XRCC4: variants seen among roughly 807,000 people sequenced by gnomAD.
XRCC4 encodes DNA repair protein XRCC4.
A neutral mutation model predicts 39.1 loss-of-function variants in XRCC4; 28 were observed. The observed-to-expected ratio is 0.72, with a 90% CI of 0.53 to 0.98. The LOEUF (loss-of-function observed/expected upper bound fraction) is 0.98, where lower values mean the gene tolerates loss of function less well. Among genes scored for constraint, XRCC4 ranks in the 50% least tolerant of loss-of-function variants. The pLI is 0.00. For synonymous variants in XRCC4, 123 were observed against 126.4 expected (o/e 0.97, Z 0.18); for missense variants, 350 against 376.4 (o/e 0.93, Z 0.58).
chr5:83,160,273 A>G (rs1269103730), intron 3 of XRCC4, among the ~76,000 whole-genome samples: 2 of 152,226 alleles, frequency 1.3e-5, no homozygotes, highest in Non-Finnish European at 2.9e-5. Context: ...GGGAATAAAG[A>G]GGAAAAAACT....
intron 3 of XRCC4, among the ~76,000 whole-genome samples, chr5:83,138,154 T>C (rs1439584759): frequency 6.6e-6 from 1 of 152,156 alleles, no homozygotes; most frequent in Non-Finnish European, 1.5e-5. Flanking sequence ...ATGTTTCTCA[T>C]TTAGAAGGGC....
intron 3 of XRCC4, among the ~76,000 whole-genome samples, chr5:83,155,069 G>T (rs535160539): frequency 6.6e-6 from 1 of 152,116 alleles, no homozygotes; most frequent in Non-Finnish European, 1.5e-5. Context: ...TAGTCCTGGG[G>T]CTGGGGCAGG....
chr5:83,114,547 A>T (rs1746616391), intron 3 of XRCC4, among the ~76,000 whole-genome samples: 1 of 152,174 alleles, frequency 6.6e-6, no homozygotes, highest in Admixed American at 6.5e-5. Flanking sequence ...CAAGTTCCTC[A>T]TGTCCATCTG....
At chr5:83,222,712 T>A (rs555527336) in intron 6 of XRCC4, among the ~76,000 whole-genome samples, 23 of 152,234 alleles carry the variant, frequency 1.5e-4, no homozygotes, top group Middle Eastern at 3.4e-3. Context: ...CAATTTTAGA[T>A]GTTTGTGTTT....
intron 1 of XRCC4, among the ~76,000 whole-genome samples, chr5:83,101,351 A>G (rs1247117609): frequency 6.6e-6 from 1 of 152,094 alleles, no homozygotes; most frequent in African/African-American, 2.4e-5. Flanking sequence ...AAATATAGGT[A>G]TTTGCTTGAA....
chr5:83,312,283 G>A (rs187330499), intron 7 of XRCC4, among the ~76,000 whole-genome samples: 2 of 152,276 alleles, frequency 1.3e-5, no homozygotes, highest in East Asian at 3.9e-4. Context: ...TTCTACAGTA[G>A]CAAAAATCAT....
chr5:83,218,323 G>T (rs1244630419), intron 6 of XRCC4, among the ~76,000 whole-genome samples: 2 of 148,418 alleles, frequency 1.3e-5, no homozygotes, highest in East Asian at 4.0e-4. Context: ...AAAACTTTAT[G>T]AACTTTTTTC....
Position 83,202,879 on chromosome 5 carries a change from G to A in XRCC4, c.483-673G>A, listed in dbSNP as rs536437768. 3.0e-4 allele frequency among the ~76,000 whole-genome samples: 45 copies of A among 152,206 alleles called. No individual in the cohort carries two copies. The Middle Eastern group carries it at 0.01, about 35-fold the overall frequency. The stretch of plus-strand genomic sequence containing the variant: ...TTGTTAGCTCATTTGAGCAGTATGG[G>A]ATGAATTAAAAACAATAGAGAATTT... On this transcript the variant is annotated intron_variant, in intron 4 of 7. Transcript: ENST00000396027.
chr5:83,130,023 A>AGAGG (rs1157867738), intron 3 of XRCC4, among the ~76,000 whole-genome samples: 3 of 152,008 alleles, frequency 2.0e-5, no homozygotes, highest in Non-Finnish European at 2.9e-5. Flanking sequence ...GGGTGGTAAG[A>AGAGG]GAGGGCATCC....
At chr5:83,307,113 C>T (rs1755518480) in intron 7 of XRCC4, among the ~76,000 whole-genome samples, 1 of 152,220 alleles carries the variant, frequency 6.6e-6, no homozygotes, top group Non-Finnish European at 1.5e-5. Flanking sequence ...AGACTTCTTT[C>T]TAAAGTATCT....
chr5:83,228,971 G>A (rs573502097), intron 6 of XRCC4, among the ~76,000 whole-genome samples: 10 of 152,156 alleles, frequency 6.6e-5, no homozygotes, highest in Non-Finnish European at 2.9e-5. Flanking sequence ...GCACTATCAT[G>A]TGTTTCAACC....
the XRCC4 span, among the ~76,000 whole-genome samples, chr5:83,369,990 A>T: frequency 6.6e-6 from 1 of 152,256 alleles, no homozygotes; most frequent in East Asian, 1.9e-4. Flanking sequence ...ATTTGAAAAT[A>T]TGAGTCTTTT....
intron 6 of XRCC4, among the ~76,000 whole-genome samples, chr5:83,220,507 A>G (rs1380320500): frequency 6.6e-6 from 1 of 152,146 alleles, no homozygotes; most frequent in African/African-American, 2.4e-5. Context: ...CATCAGCACT[A>G]ACATGATACT....
chr5:83,212,667 C>A (rs1040415354), intron 6 of XRCC4, among the ~76,000 whole-genome samples: 4 of 152,114 alleles, frequency 2.6e-5, no homozygotes, highest in Non-Finnish European at 4.4e-5. Context: ...GTGGCTCACA[C>A]CTGTAATCCT....
intron 7 of XRCC4, among the ~76,000 whole-genome samples, chr5:83,270,274 T>A (rs1754094272): frequency 6.6e-6 from 1 of 152,284 alleles, no homozygotes; most frequent in Middle Eastern, 3.4e-3. Context: ...TTCAGCCCAC[T>A]TCCTATTAGG....
intron 3 of XRCC4, among the ~76,000 whole-genome samples, chr5:83,131,422 C>T (rs867190190): frequency 1.6e-4 from 24 of 152,214 alleles, no homozygotes; most frequent in South Asian, 6.2e-4. Flanking sequence ...AGTTCAATTC[C>T]TGGGTATCTT....
intron 3 of XRCC4, among the ~76,000 whole-genome samples, chr5:83,184,239 A>T (rs2112660644): frequency 6.6e-6 from 1 of 152,168 alleles, no homozygotes; most frequent in South Asian, 2.1e-4. Context: ...TATTTTTATG[A>T]TTTTCAAAAG....
intron 3 of XRCC4, among the ~76,000 whole-genome samples, chr5:83,149,233 G>T (rs1270690271): frequency 6.6e-6 from 1 of 152,106 alleles, no homozygotes; most frequent in Non-Finnish European, 1.5e-5. Flanking sequence ...TCTCTACATG[G>T]TATTCTGCTG....
At chr5:83,200,536 T>C (rs1431294488) in intron 4 of XRCC4, among the ~76,000 whole-genome samples, 1 of 151,996 alleles carries the variant, frequency 6.6e-6, no homozygotes, top group Non-Finnish European at 1.5e-5. Context: ...TTCATATTTA[T>C]TTTCACTTTG....
Sources: gnomAD v4.1 joint callset for allele counts (sites outside exome capture counted in the v4.1 genomes callset) on GRCh38, gnomAD v4.1.1 for gene constraint, MANE v1.5 for transcripts, NCBI Gene and HGNC (gene_info 2026-07-23, HGNC 2026-07-21) for gene names.